Variants in MARCHF2 observed in about 807,000 individuals in gnomAD.
MARCHF2 encodes E3 ubiquitin-protein ligase MARCHF2.
In MARCHF2, 22 loss-of-function variants were observed where a neutral mutation model predicts 24.0. The ratio of observed to expected loss-of-function variants is 0.92; its 90% confidence interval spans 0.66 to 1.31. The LOEUF is 1.31. Ranked by LOEUF, MARCHF2 falls within the 50% of genes most tolerant of loss-of-function variation. The pLI, the probability that MARCHF2 is intolerant of heterozygous loss-of-function variation, is 0.00. For synonymous variants in MARCHF2, 154 were observed against 153.0 expected (o/e 1.01, Z -0.05); for missense variants, 301 against 335.3 (o/e 0.90, Z 0.80).
chr19:8,433,828 C>G (rs1378755136), intron 4 of MARCHF2, among the ~76,000 whole-genome samples: 3 of 150,972 alleles, frequency 2.0e-5, no homozygotes, highest in Admixed American at 2.0e-4. Context: ...CGTGCCACTG[C>G]ACTCCAGCCT....
In MARCHF2 at chr19:8,430,759, G is replaced by T; in HGVS notation, c.474G>T (p.Leu158Phe). 1.2e-6 allele frequency: 2 copies of T among 1,611,460 alleles called. No homozygotes were observed. The change falls in exon 4 of 5, where the codon TTG becomes TTT. Residue 158 changes from leucine to phenylalanine, a missense_variant. Physicochemically the swap from Leu to Phe is conservative, Grantham distance 22 (BLOSUM62 0). Transcript: ENST00000215555. This position sits in a 1 kb window ranked among gnomAD's most constrained non-coding sequence, Gnocchi z 4.4. ...CGCTGGCCGCCATCTCAGGCTGGTT[G>T]TGCCTGCGCGGGGCCCAGGACCACC... ...ITPLAAISGW[L>F]CLRGAQDHLR...
At chr19:8,431,902 A>G (rs1223464500) in intron 4 of MARCHF2, among the ~76,000 whole-genome samples, 1 of 152,014 alleles carries the variant, frequency 6.6e-6, no homozygotes, top group Non-Finnish European at 1.5e-5. Context: ...CATGCCTGTA[A>G]TCCCCATACT....
chr19:8,421,506 C>T (rs182360752), intron 1 of MARCHF2, among the ~76,000 whole-genome samples: 402 of 151,012 alleles, frequency 2.7e-3, no homozygotes, highest in African/African-American at 8.8e-3. Flanking sequence ...GGATTACAGG[C>T]GTCAGCCACC....
rs542462430 is a variant in MARCHF2, at chr19:8,430,603, C to G, written c.373-55C>G. On this transcript the variant is annotated intron_variant, in intron 3 of 4. Transcript: ENST00000215555. This position sits in a 1 kb window ranked among gnomAD's most constrained non-coding sequence, Gnocchi z 4.4. ...GGCCTGGAGGTCCTTACCCCTCCCC[C>G]TCAGTAGCCCCTTCTCTGCCCCCTC... 2.0e-5 allele frequency: 30 copies of G among 1,473,124 alleles called. No individual in the cohort carries two copies. In the South Asian group the frequency reaches 3.2e-4, roughly 16 times the overall value. 91.3% of individuals were successfully genotyped at this position (1,473,124 alleles called of 1,614,324 possible). A position where few individuals can be genotyped will look rare whatever the true frequency, so the allele number is the denominator to read the frequency against.
intron 2 of MARCHF2, among the ~76,000 whole-genome samples, chr19:8,426,023 C>T (rs191083977): frequency 9.9e-5 from 15 of 151,290 alleles, no homozygotes; most frequent in East Asian, 4.0e-4. Context: ...ATCAGGAGAT[C>T]GAGACCATCC....
intron 1 of MARCHF2, among the ~76,000 whole-genome samples, chr19:8,421,188 T>C (rs1967227909): frequency 6.6e-6 from 1 of 150,654 alleles, no homozygotes; most frequent in Non-Finnish European, 1.5e-5. Flanking sequence ...AGTGGCGTGA[T>C]CTCGGCTCAC....
At chr19:8,416,256 C>T (rs921538874) in intron 1 of MARCHF2, among the ~76,000 whole-genome samples, 4 of 150,950 alleles carry the variant, frequency 2.6e-5, no homozygotes, top group African/African-American at 9.8e-5. Context: ...GCAGGAGAAT[C>T]CCTTGAACCC....
rs1288855227 is a variant in MARCHF2, at chr19:8,426,704, A to G, written c.272A>G (p.Lys91Arg). ...GCTGTLGAVH[K>R]SCLEKWLSSS... is the part of the protein sequence containing the mutation. The stretch of plus-strand genomic sequence containing the variant: ...ACCGGCACGCTGGGTGCCGTGCATA[A>G]GAGCTGTCTGGAGAAGTGGCTTTCC... Residue 91 changes from lysine to arginine, a missense_variant, in exon 3 of 5, where the codon AAG (lysine) becomes AGG (arginine). Coordinates refer to ENST00000215555, the MANE Select transcript of MARCHF2 (RefSeq NM_001005415.2). 6.2e-7 allele frequency: 1 copy of G among 1,613,704 alleles called. No homozygotes were observed. The highest frequency in any genetic ancestry group is 8.5e-7 in the Non-Finnish European group (1 of 1,179,966).
In MARCHF2 at chr19:8,430,118, C is replaced by A. The variant is rs375973481; in HGVS notation, c.373-540C>A. 1.3e-5 allele frequency among the ~76,000 whole-genome samples: 2 copies of A among 152,074 alleles called. No homozygotes were observed. Among genetic ancestry groups the A allele is most frequent in the Non-Finnish European group, 2.9e-5 (2 of 68,022 alleles). The stretch of plus-strand genomic sequence containing the variant: ...GTGGCTCACACCTGTAATCCCAGAA[C>A]TTTGGAAGGCCGAGGTGGGCAGATC... On this transcript the variant is annotated intron_variant, in intron 3 of 4. Coordinates refer to ENST00000215555, the MANE Select transcript of MARCHF2 (RefSeq NM_001005415.2). The surrounding 1 kb of genome is among the most constrained non-coding windows in gnomAD (Gnocchi z 4.4).
At chr19:8,420,737 A>T (rs1017802055) in intron 1 of MARCHF2, among the ~76,000 whole-genome samples, 2 of 152,002 alleles carry the variant, frequency 1.3e-5, no homozygotes, top group Non-Finnish European at 2.9e-5. Context: ...TGCAGCCTCA[A>T]ACTCCTGGGC....
At chr19:8,438,241 C>T in intron 4 of MARCHF2, 147 bp from the exon 5 acceptor site, 1 of 803,194 alleles carries the variant, frequency 1.2e-6, no homozygotes, top group Non-Finnish European at 2.0e-6. Context: ...TGTGTGTGCA[C>T]TTTGTGGGAG....
chr19:8,418,115 TG>T (rs1432320258), intron 1 of MARCHF2, among the ~76,000 whole-genome samples: 6 of 152,092 alleles, frequency 3.9e-5, no homozygotes. Flanking sequence ...TCAGAAGGGC[TG>T]GGCTGGAGGA....
chr19:8,416,670 G>T (rs982218575), intron 1 of MARCHF2, among the ~76,000 whole-genome samples: 4 of 152,024 alleles, frequency 2.6e-5, no homozygotes, highest in African/African-American at 9.7e-5. Flanking sequence ...GGGTGCAAGC[G>T]ATTCTCCCAC....
chr19:8,436,554 T>C (rs936333517), intron 4 of MARCHF2, among the ~76,000 whole-genome samples: 1 of 152,104 alleles, frequency 6.6e-6, no homozygotes, highest in Non-Finnish European at 1.5e-5. Context: ...TTTTACTGTC[T>C]CCATGGTTTA....
Position 8,423,966 on chromosome 19 carries a change from C to T in MARCHF2, c.176+1950C>T, listed in dbSNP as rs535668941. Among the ~76,000 whole-genome samples, 48 of 139,942 alleles carry T rather than the reference C, an allele frequency of 3.4e-4. 1 individual carries two copies. The highest frequency in any genetic ancestry group is 1.3e-3 in the African/African-American group (48 of 37,138). The allele number at this position is 139,942 out of a possible 152,430, so 91.8% of individuals were successfully genotyped here. ...GCAGTGAGCTGTGATTGCACCACTGCACTCCAGCCTGGGTGACTCAAAAAA... is the reference window on the plus strand; with the variant it reads ...GCAGTGAGCTGTGATTGCACCACTGTACTCCAGCCTGGGTGACTCAAAAAA... On this transcript the variant is annotated intron_variant, in intron 2 of 4. Transcript: ENST00000215555.
intron 1 of MARCHF2, among the ~76,000 whole-genome samples, chr19:8,421,073 A>G (rs567892215): frequency 1.5e-4 from 22 of 151,176 alleles, no homozygotes; most frequent in African/African-American, 5.1e-4. Context: ...CACCGGGACT[A>G]TAGACATGAG....
chr19:8,415,721 CA>C (rs1309501077), intron 1 of MARCHF2, among the ~76,000 whole-genome samples: 20 of 17,846 alleles, frequency 1.1e-3, no homozygotes, highest in Admixed American at 4.3e-3. Context: ...AACTCCATCT[CA>C]AAAAAAAAAA....
intron 4 of MARCHF2, among the ~76,000 whole-genome samples, chr19:8,432,969 A>T (rs1967619978): frequency 6.6e-6 from 1 of 152,080 alleles, no homozygotes; most frequent in African/African-American, 2.4e-5. Flanking sequence ...CTGTAATCCC[A>T]GCACTTTAGG....
chr19:8,419,306 CA>C (rs1407138739), intron 1 of MARCHF2, among the ~76,000 whole-genome samples: 1 of 150,972 alleles, frequency 6.6e-6, no homozygotes, highest in Admixed American at 6.6e-5. Context: ...CTATCCTGGC[CA>C]AAATGGTGAA....
Sources: gnomAD v4.1 joint callset for allele counts (sites outside exome capture counted in the v4.1 genomes callset) on GRCh38, gnomAD v4.1.1 for gene constraint, Gnocchi (gnomAD v3.1) non-coding constraint, MANE v1.5 for transcripts, NCBI Gene and HGNC (gene_info 2026-07-23, HGNC 2026-07-21) for gene names.